COL22A1: variants seen among roughly 807,000 people sequenced by gnomAD.
COL22A1 encodes the protein collagen type XXII alpha 1 chain.
Under a neutral mutation model 248.9 loss-of-function variants are expected in COL22A1, and 221 were observed. The ratio of observed to expected loss-of-function variants is 0.89; its 90% CI spans 0.80 to 0.99. COL22A1 has a LOEUF of 0.99. Among genes scored for constraint, COL22A1 ranks in the 50% least tolerant of loss-of-function variants. The pLI, the probability that COL22A1 is intolerant of heterozygous loss-of-function variation, is 0.00. For missense variants in COL22A1, 2,240 were observed against 2,179.0 expected (o/e 1.03, Z -0.56); for synonymous variants, 891 against 793.4 (o/e 1.12, Z -2.07).
intron 1 of COL22A1, among the ~76,000 whole-genome samples, chr8:138,893,582 T>C (rs1825207540): frequency 6.6e-6 from 1 of 152,184 alleles, no homozygotes; most frequent in Admixed American, 6.5e-5. Flanking sequence ...GTGAAAGAGA[T>C]TACATGAGAC....
intron 12 of COL22A1, among the ~76,000 whole-genome samples, chr8:138,788,566 A>G (rs1390088613): frequency 6.6e-6 from 1 of 152,154 alleles, no homozygotes; most frequent in African/African-American, 2.4e-5. Context: ...AAGGTTCTTT[A>G]TGTTGGCCTC....
chr8:138,787,710 G>A (rs967611684), intron 12 of COL22A1, among the ~76,000 whole-genome samples: 2 of 152,200 alleles, frequency 1.3e-5, no homozygotes, highest in Admixed American at 1.3e-4. Context: ...AACAGCTGCT[G>A]TGACTCAAAA....
intron 22 of COL22A1, 145 bp from the exon 23 acceptor site, chr8:138,737,722 G>T: frequency 1.7e-6 from 1 of 603,244 alleles, no homozygotes; most frequent in East Asian, 2.8e-5. Context: ...GCCCCACAGA[G>T]GAACAATGTG....
In COL22A1 at chr8:138,655,875, C is replaced by A. The variant is rs775660594; in HGVS notation, c.3333+22G>T. 27 of 1,592,078 alleles carry A rather than the reference C, an allele frequency of 1.7e-5. No individual in the cohort carries two copies. The Middle Eastern group carries it at 9.9e-4, about 59-fold the overall frequency. ...GCCATCACCATTTTCAAAACACATG[C>A]GCATTTATTGTATGCTTTTACCTTA... On this transcript the variant is annotated intron_variant, in intron 45 of 64. Transcript: ENST00000303045.
chr8:138,741,033 T>G (rs550470061), intron 22 of COL22A1, among the ~76,000 whole-genome samples: 16 of 152,258 alleles, frequency 1.1e-4, no homozygotes, highest in African/African-American at 3.6e-4. Flanking sequence ...ACCTACCTTT[T>G]CAGTTTGGTG....
At chr8:138,719,531 G>C (rs745593477) in intron 27 of COL22A1, among the ~76,000 whole-genome samples, 3 of 152,112 alleles carry the variant, frequency 2.0e-5, no homozygotes, top group Non-Finnish European at 4.4e-5. Context: ...AGACAGCTTG[G>C]ATGCAATTTA....
At chr8:138,785,962 C>T (rs1183017378) in intron 12 of COL22A1, among the ~76,000 whole-genome samples, 1 of 152,108 alleles carries the variant, frequency 6.6e-6, no homozygotes, top group African/African-American at 2.4e-5. Context: ...ACAAGGTGAA[C>T]AGCGGGTGTG....
At chr8:138,772,686 A>C (rs1328235596) in intron 16 of COL22A1, among the ~76,000 whole-genome samples, 1 of 152,178 alleles carries the variant, frequency 6.6e-6, no homozygotes, top group Non-Finnish European at 1.5e-5. Context: ...ACATTAAAGA[A>C]AATAAATACT....
chr8:138,589,074 C>T lies in COL22A1; in HGVS notation c.*179G>A, dbSNP rs1043008843. The T allele has an allele frequency of 1.3e-5, 8 of 600,438 alleles. No homozygotes were observed. The highest frequency in any genetic ancestry group is 1.2e-4 in the African/African-American group (6 of 50,970). 37.2% of individuals were successfully genotyped at this position (600,438 alleles called of 1,614,324 possible). A position where few individuals can be genotyped will look rare whatever the true frequency, so the allele number is the denominator to read the frequency against. On this transcript the variant is annotated 3_prime_UTR_variant, in exon 65 of 65. Coordinates refer to ENST00000303045, the MANE Select transcript of COL22A1 (RefSeq NM_152888.3). ...TAATAATAATCTGACCGACCGGCAG[C>T]GTCTGTTGGATTTAATAATTTTGAG... is the stretch of plus-strand genomic sequence containing the variant.
intron 3 of COL22A1, among the ~76,000 whole-genome samples, chr8:138,862,037 A>AG: frequency 6.7e-6 from 1 of 149,982 alleles, no homozygotes; most frequent in African/African-American, 2.5e-5. Flanking sequence ...AAAAAAAAAA[A>AG]AAAAAAAAAA....
rs529384991 is a variant in COL22A1 at position 138,901,458 on chromosome 8, C to A, written c.-73+12161G>T. On this transcript the variant is annotated intron_variant, in intron 1 of 64. Transcript: ENST00000303045. ...CACAGCTCACTGCAGCCTCTACCTC[C>A]CAGGCTCTGGTGATCCTCCCACCTC... Among the ~76,000 whole-genome samples the A allele has an allele frequency of 6.0e-5, 9 of 151,100 alleles. No homozygotes were observed. The South Asian group carries it at 1.9e-3, about 32-fold the overall frequency.
intron 9 of COL22A1, among the ~76,000 whole-genome samples, chr8:138,811,059 T>C (rs1023537245): frequency 1.3e-5 from 2 of 152,152 alleles, no homozygotes; most frequent in Admixed American, 1.3e-4. Context: ...TTTGTAAATC[T>C]TTCTGTTCCT....
At chr8:138,757,877 C>T (rs951671885) in intron 18 of COL22A1, among the ~76,000 whole-genome samples, 21 of 152,170 alleles carry the variant, frequency 1.4e-4, no homozygotes, top group African/African-American at 5.1e-4. Flanking sequence ...TGTGGTGGCC[C>T]GTCTCCACGA....
intron 57 of COL22A1, among the ~76,000 whole-genome samples, chr8:138,607,151 T>C (rs1818489217): frequency 6.6e-6 from 1 of 152,084 alleles, no homozygotes; most frequent in Non-Finnish European, 1.5e-5. Flanking sequence ...ATTTTCCAGT[T>C]GGGAAAGTTC....
chr8:138,880,314 A>C (rs552367693), intron 2 of COL22A1, among the ~76,000 whole-genome samples: 1 of 152,364 alleles, frequency 6.6e-6, no homozygotes, highest in East Asian at 1.9e-4. Flanking sequence ...TATGTATAAC[A>C]TAGAATTTCT....
At chr8:138,833,323 T>C (rs73366875) in intron 4 of COL22A1, among the ~76,000 whole-genome samples, 173 bp from the exon 5 acceptor site, 167 of 152,340 alleles carry the variant, frequency 1.1e-3, no homozygotes, top group African/African-American at 3.8e-3. Context: ...ACCCGAGTAA[T>C]GGGACGTATA....
chr8:138,714,919 T>A (rs1380792453), intron 30 of COL22A1, among the ~76,000 whole-genome samples: 1 of 152,116 alleles, frequency 6.6e-6, no homozygotes, highest in Non-Finnish European at 1.5e-5. Flanking sequence ...TTTGCTCAGC[T>A]CGTTCTTCAC....
chr8:138,805,514 T>G (rs1469937088), intron 10 of COL22A1, among the ~76,000 whole-genome samples: 1 of 144,870 alleles, frequency 6.9e-6, no homozygotes, highest in Non-Finnish European at 1.5e-5. Flanking sequence ...TGATGGTGTG[T>G]GTGTATATGT....
At chr8:138,784,849 T>C (rs770541126) in intron 12 of COL22A1, among the ~76,000 whole-genome samples, 19 of 152,136 alleles carry the variant, frequency 1.2e-4, no homozygotes, top group Non-Finnish European at 1.9e-4. Flanking sequence ...CTGATTAGAT[T>C]AGATTTAATC....
Sources: allele counts gnomAD v4.1 joint callset (sites outside exome capture counted in the v4.1 genomes callset), GRCh38; gene constraint gnomAD v4.1.1; transcripts MANE v1.5; gene names NCBI Gene and HGNC (gene_info 2026-07-23, HGNC 2026-07-21).